RBM28: variants seen among roughly 807,000 people sequenced by gnomAD.
RBM28 encodes the protein RNA binding motif protein 28.
In RBM28, 78 loss-of-function variants were observed where a neutral mutation model predicts 98.3. That is an observed-to-expected ratio of 0.79 (90% CI 0.66 to 0.96). The LOEUF is 0.96. Among genes scored for constraint, RBM28 ranks in the 40% least tolerant of loss-of-function variants. RBM28 has a pLI of 0.00. For synonymous variants in RBM28, 306 were observed against 330.9 expected, an observed-to-expected ratio of 0.92 and a Z score of 0.82; for missense variants, 838 against 913.0, an observed-to-expected ratio of 0.92 and a Z score of 1.06.
rs1796144065 is a variant in RBM28 at position 128,318,101 on chromosome 7, T to C, written c.1569A>G (p.Arg523=). Residue 523 remains arginine, a synonymous_variant, in exon 15 of 19, where the codon AGA becomes AGG. Coordinates refer to ENST00000223073, the MANE Select transcript of RBM28 (RefSeq NM_018077.3). ...GAACTCCTTTGAGGTCTCGCATCACTCTACACTATGAGTAGAGCAAGAAAA... is the reference window on the plus strand; with the variant it reads ...GAACTCCTTTGAGGTCTCGCATCACCCTACACTATGAGTAGAGCAAGAAAA... ...GEKGVRIKEC[R]VMRDLKGVHG... is the part of the protein sequence containing the mutation. 4 of 1,611,684 alleles carry C rather than the reference T, an allele frequency of 2.5e-6. No individual in the cohort carries two copies. The highest frequency in any genetic ancestry group is 3.4e-6 in the Non-Finnish European group (4 of 1,177,766).
chr7:128,337,553 CA>C (rs1397822617), intron 5 of RBM28, among the ~76,000 whole-genome samples: 2 of 118,684 alleles, frequency 1.7e-5, no homozygotes, highest in Non-Finnish European at 3.3e-5. Context: ...ATCTCTACGG[CA>C]ATAACTTCTT....
At chr7:128,343,470 G>A (rs768999831) in intron 1 of RBM28, among the ~76,000 whole-genome samples, 12 of 152,186 alleles carry the variant, frequency 7.9e-5, no homozygotes, top group Non-Finnish European at 1.5e-4. Flanking sequence ...TCAACAGAAA[G>A]CGCTATAGAA....
At chr7:128,330,519 C>A (rs1417041668) in intron 10 of RBM28, among the ~76,000 whole-genome samples, 2 of 151,966 alleles carry the variant, frequency 1.3e-5, no homozygotes, top group Non-Finnish European at 2.9e-5. Flanking sequence ...GTAGCTGGGA[C>A]TACAGGTGCA....
In RBM28 at chr7:128,308,625, T is replaced by C. The variant is rs575097521; in HGVS notation, c.*2172A>G. Reference sequence around the variant, plus strand: ...AAGGTCTAAATATTTCCATGGCCTCTCCTTCATCCATTTCTAAACCAAAGG... The same window carrying C: ...AAGGTCTAAATATTTCCATGGCCTCCCCTTCATCCATTTCTAAACCAAAGG... On this transcript the variant is annotated 3_prime_UTR_variant, in exon 19 of 19. Transcript: ENST00000223073. 11 of 152,220 alleles carry C rather than the reference T, an allele frequency of 7.2e-5. No individual in the cohort carries two copies. The highest frequency in any genetic ancestry group is 1.3e-4 in the Non-Finnish European group (9 of 68,038). 9.4% of individuals were successfully genotyped at this position (152,220 alleles called of 1,614,324 possible). A position where few individuals can be genotyped will look rare whatever the true frequency, so the allele number is the denominator to read the frequency against.
In RBM28 at chr7:128,313,177, G is replaced by T. The variant is rs771260962; in HGVS notation, c.2143C>A (p.Gln715Lys). Residue 715 changes from glutamine to lysine, a missense_variant and splice_region_variant, in exon 18 of 19, where the codon CAG becomes AAG. Coordinates refer to ENST00000223073, the MANE Select transcript of RBM28 (RefSeq NM_018077.3). ...KQEKQQLSSEQVSRKKAKGNK... is the reference protein window; with the variant it reads ...KQEKQQLSSEKVSRKKAKGNK... The stretch of plus-strand genomic sequence containing the variant: ...GCTGTATGTCCTGCAGAACTCACCT[G>T]CTCGGACGATAATTGCTGCTTCTCC... The T allele has an allele frequency of 1.2e-6, 2 of 1,613,292 alleles. No individual in the cohort carries two copies. Among genetic ancestry groups the T allele is most frequent in the South Asian group, 2.2e-5 (2 of 91,072 alleles).
chr7:128,331,580 G>T (rs1411076473), intron 9 of RBM28, among the ~76,000 whole-genome samples: 1 of 152,068 alleles, frequency 6.6e-6, no homozygotes, highest in East Asian at 1.9e-4. Context: ...CCTCTGTGTT[G>T]CTATTAAATC....
At chr7:128,330,691 AC>A in intron 10 of RBM28, 127 bp downstream of exon 10, 1 of 764,524 alleles carries the variant, frequency 1.3e-6, no homozygotes, top group Non-Finnish European at 2.3e-6. Context: ...CTTTTATAGA[AC>A]CCAGAAACCT....
chr7:128,304,164 T>G lies in RBM28; in HGVS notation c.*6633A>C, dbSNP rs1232747183. On this transcript the variant is annotated 3_prime_UTR_variant, in exon 19 of 19. Transcript: ENST00000223073. ...ATAAATTTCATTGATAAAAATGATG[T>G]GCAGCACATAATTTATAAATAAAAT... is the stretch of plus-strand genomic sequence containing the variant. The G allele has an allele frequency of 6.6e-6, 1 of 150,546 alleles. No homozygotes were observed. The highest frequency in any genetic ancestry group is 6.5e-5 in the Admixed American group (1 of 15,268). The allele number at this position is 150,546 out of a possible 1,614,324, so 9.3% of individuals were successfully genotyped here. A position where few individuals can be genotyped will look rare whatever the true frequency, so the allele number is the denominator to read the frequency against.
intron 7 of RBM28, 66 bp from the exon 8 acceptor site, chr7:128,335,745 A>G: frequency 6.2e-7 from 1 of 1,613,568 alleles, no homozygotes; most frequent in Non-Finnish European, 8.5e-7. Flanking sequence ...TTCATTACAC[A>G]TGTCAATTCT....
At chr7:128,314,181 C>G (rs1207141487) in intron 17 of RBM28, among the ~76,000 whole-genome samples, 7 of 152,124 alleles carry the variant, frequency 4.6e-5, no homozygotes, top group Non-Finnish European at 1.0e-4. Context: ...CCAGGATGGT[C>G]TCGATCTCCT....
Position 128,309,228 on chromosome 7 carries a change from A to G in RBM28, c.*1569T>C, listed in dbSNP as rs1795928139. On this transcript the variant is annotated 3_prime_UTR_variant, in exon 19 of 19. Transcript: ENST00000223073. ...GTCTACAGGAGTGAACAAGAGGGAT[A>G]AAGTCCCTCTCACAAAGCATACATT... 6.6e-6 allele frequency: 1 copy of G among 152,250 alleles called. No individual in the cohort carries two copies. Among genetic ancestry groups the G allele is most frequent in the Non-Finnish European group, 1.5e-5 (1 of 68,064 alleles). The allele number at this position is 152,250 out of a possible 1,614,324, so 9.4% of individuals were successfully genotyped here.
intron 18 of RBM28, among the ~76,000 whole-genome samples, chr7:128,312,259 A>C (rs1796000990): frequency 2.0e-5 from 3 of 152,190 alleles, no homozygotes; most frequent in Middle Eastern, 3.2e-3. Flanking sequence ...TCTCTACTAA[A>C]ATACAAAATT....
In RBM28 at chr7:128,310,834, G is replaced by C; in HGVS notation, c.2243C>G (p.Ala748Gly). The change falls in exon 19 of 19, where the codon GCA (alanine) becomes GGA (glycine). Residue 748 changes from alanine to glycine, a missense_variant. Ala to Gly is a moderately conservative substitution (Grantham distance 60). Coordinates refer to ENST00000223073, the MANE Select transcript of RBM28 (RefSeq NM_018077.3). Reference protein sequence around the residue: ...KQKLLGPSKGAPLAKRSKWFD... With the variant: ...KQKLLGPSKGGPLAKRSKWFD... ...CCATTTGCTCCTCTTTGCAAGAGGTGCTCCTTTAGAAGGTCCCAATAATTT... is the reference window on the plus strand; with the variant it reads ...CCATTTGCTCCTCTTTGCAAGAGGTCCTCCTTTAGAAGGTCCCAATAATTT... The C allele has an allele frequency of 6.2e-7, 1 of 1,614,156 alleles. No individual in the cohort carries two copies. Among genetic ancestry groups the C allele is most frequent in the Non-Finnish European group, 8.5e-7 (1 of 1,180,022 alleles).
chr7:128,331,668 A>G (rs778007035), intron 9 of RBM28, among the ~76,000 whole-genome samples: 3 of 152,182 alleles, frequency 2.0e-5, no homozygotes, highest in Non-Finnish European at 4.4e-5. Flanking sequence ...AGTAAAATTT[A>G]CTAAGTTCAA....
chr7:128,326,273 A>G (rs1796348828), intron 10 of RBM28, among the ~76,000 whole-genome samples: 1 of 150,410 alleles, frequency 6.6e-6, no homozygotes, highest in Non-Finnish European at 1.5e-5. Flanking sequence ...ACTGCACTCC[A>G]GCCTGGGCAA....
rs1408307022 is a variant in RBM28 at position 128,303,268 on chromosome 7, G to C, written c.*7529C>G. 1 of 152,234 alleles carries C rather than the reference G, an allele frequency of 6.6e-6. No individual in the cohort carries two copies. The highest frequency in any genetic ancestry group is 2.4e-5 in the African/African-American group (1 of 41,452). 9.4% of individuals were successfully genotyped at this position (152,234 alleles called of 1,614,324 possible). ...AGCACTCACGGCCAAGTGGGACCTT[G>C]CTCTGGTACTAGCTCAGGTGGCCAA... On this transcript the variant is annotated 3_prime_UTR_variant, in exon 19 of 19. Coordinates refer to ENST00000223073, the MANE Select transcript of RBM28 (RefSeq NM_018077.3).
chr7:128,313,583 C>A (rs1355557334), intron 17 of RBM28, among the ~76,000 whole-genome samples: 1 of 152,172 alleles, frequency 6.6e-6, no homozygotes, highest in African/African-American at 2.4e-5. Flanking sequence ...GCGCTATGAT[C>A]ATGCCACTGC....
At chr7:128,317,517 G>A in intron 16 of RBM28, 142 bp downstream of exon 16, 1 of 676,396 alleles carries the variant, frequency 1.5e-6, no homozygotes. Flanking sequence ...GGCCTGGAGA[G>A]GCTTAGGGAA....
At chr7:128,324,430 A>T in intron 12 of RBM28, 129 bp downstream of exon 12, 1 of 1,318,698 alleles carries the variant, frequency 7.6e-7, no homozygotes, top group Non-Finnish European at 1.1e-6. Context: ...TGGAATGATC[A>T]TATAACACTG....
Sources: allele counts gnomAD v4.1 joint callset (sites outside exome capture counted in the v4.1 genomes callset), GRCh38; gene constraint gnomAD v4.1.1; transcripts MANE v1.5; gene names NCBI Gene and HGNC (gene_info 2026-07-23, HGNC 2026-07-21).